CHRM3: variants seen among roughly 807,000 people sequenced by gnomAD.
The protein encoded by CHRM3 is cholinergic receptor muscarinic 3.
Under a neutral mutation model 41.8 loss-of-function variants are expected in CHRM3, and 11 were observed. That is an observed-to-expected ratio of 0.26 (90% CI 0.17 to 0.44). CHRM3 has a LOEUF of 0.44. CHRM3 is among the 20% of genes least tolerant of loss of function. The pLI, the probability that CHRM3 is intolerant of heterozygous loss-of-function variation, is 1.00. For synonymous variants in CHRM3, 297 were observed against 301.4 expected, an observed-to-expected ratio of 0.99 and a Z score of 0.15; for missense variants, 571 against 745.4, an observed-to-expected ratio of 0.77 and a Z score of 2.72.
chr1:239,488,033 A>G (rs1667298945), intron 1 of CHRM3, among the ~76,000 whole-genome samples: 1 of 152,206 alleles, frequency 6.6e-6, no homozygotes, highest in Non-Finnish European at 1.5e-5. Flanking sequence ...TTAAAATAAG[A>G]CACACTGATT....
At chr1:239,762,643 G>C (rs1165327062) in intron 5 of CHRM3, among the ~76,000 whole-genome samples, 4 of 152,026 alleles carry the variant, frequency 2.6e-5, no homozygotes, top group African/African-American at 9.7e-5. Flanking sequence ...CAAGAATGAG[G>C]AAATAATAAG....
rs1297774618 is a variant in CHRM3 at position 239,472,788 on chromosome 1, C to T, written c.-520-19921C>T. On this transcript the variant is annotated intron_variant, in intron 1 of 6. Coordinates refer to ENST00000676153, the MANE Select transcript of CHRM3 (RefSeq NM_001375978.1). The stretch of plus-strand genomic sequence containing the variant: ...AGCTAATGCATGCTGGACTTAGTAC[C>T]TAGGTGATGGGCTGATAGGTGCAGC... 2.0e-5 allele frequency among the ~76,000 whole-genome samples: 3 copies of T among 152,058 alleles called. No homozygotes were observed. The East Asian group carries it at 5.8e-4, about 29-fold the overall frequency.
At chr1:239,426,480 AAAAAAG>A (rs1396554162) in intron 1 of CHRM3, among the ~76,000 whole-genome samples, 12 of 149,908 alleles carry the variant, frequency 8.0e-5, no homozygotes, top group African/African-American at 1.5e-4. Flanking sequence ...AAAAAAAAAA[AAAAAAG>A]AAAGAAAAAA....
At chr1:239,828,200 A>C (rs1415860822) in intron 6 of CHRM3, among the ~76,000 whole-genome samples, 3 of 152,198 alleles carry the variant, frequency 2.0e-5, no homozygotes, top group South Asian at 4.1e-4. Flanking sequence ...TCACACATAG[A>C]TATAGACACA....
At chr1:239,610,409 T>C (rs888915226) in intron 3 of CHRM3, among the ~76,000 whole-genome samples, 1 of 152,148 alleles carries the variant, frequency 6.6e-6, no homozygotes, top group Non-Finnish European at 1.5e-5. Flanking sequence ...TGTCTCACAT[T>C]TGATTATAAT....
intron 3 of CHRM3, among the ~76,000 whole-genome samples, chr1:239,559,913 T>C (rs1380032342): frequency 1.3e-5 from 2 of 152,194 alleles, no homozygotes; most frequent in Non-Finnish European, 2.9e-5. Context: ...ATACATTGTA[T>C]GGCTATTGTC....
chr1:239,618,277 C>CTTTT (rs61094722), intron 3 of CHRM3, among the ~76,000 whole-genome samples: 7 of 120,656 alleles, frequency 5.8e-5, no homozygotes, highest in African/African-American at 1.2e-4. Context: ...TTTTTTCTTT[C>CTTTT]TTTTTTTTTT....
At chr1:239,677,615 A>G (rs1399574674) in intron 4 of CHRM3, among the ~76,000 whole-genome samples, 1 of 152,190 alleles carries the variant, frequency 6.6e-6, no homozygotes, top group Non-Finnish European at 1.5e-5. Flanking sequence ...AAAAGAGGAA[A>G]AGAGGGAGAA....
rs1003512289 is a variant in CHRM3 at position 239,913,659 on chromosome 1, T to C, written c.*4435T>C. 3.0e-5 allele frequency: 5 copies of C among 166,968 alleles called. No homozygotes were observed. In the Admixed American group the frequency reaches 3.3e-4, roughly 11 times the overall value. The allele number at this position is 166,968 out of a possible 1,614,324, so 10.3% of individuals were successfully genotyped here. A position where few individuals can be genotyped will look rare whatever the true frequency, so the allele number is the denominator to read the frequency against. On this transcript the variant is annotated 3_prime_UTR_variant, in exon 7 of 7. Transcript: ENST00000676153. ...TTCCATTTTCCTTTTCTGGCTTTAGTGTTAATGTCTGGGAAGGGAGGCTCA... is the reference window on the plus strand; with the variant it reads ...TTCCATTTTCCTTTTCTGGCTTTAGCGTTAATGTCTGGGAAGGGAGGCTCA...
chr1:239,662,893 C>CTCTTCTTCTTCTTCTTTT (rs1553356874), intron 4 of CHRM3, among the ~76,000 whole-genome samples: 18 of 46,400 alleles, frequency 3.9e-4, no homozygotes, highest in African/African-American at 1.4e-3. Context: ...CTTCCTCCTC[C>CTCTTCTTCTTCTTCTTTT]TCTTCTTCTT....
chr1:239,818,165 C>T lies in CHRM3; in HGVS notation c.-146-9087C>T, dbSNP rs542643562. ...GCTCTCTTCCTGGATTGTAGATGGCCGCCTTATCACTGGGTCTTCACATGA... is the reference window on the plus strand; with the variant it reads ...GCTCTCTTCCTGGATTGTAGATGGCTGCCTTATCACTGGGTCTTCACATGA... On this transcript the variant is annotated intron_variant, in intron 5 of 6. Coordinates refer to ENST00000676153, the MANE Select transcript of CHRM3 (RefSeq NM_001375978.1). Among the ~76,000 whole-genome samples, 13 of 152,226 alleles carry T rather than the reference C, an allele frequency of 8.5e-5. No individual in the cohort carries two copies. In the South Asian group the frequency reaches 2.5e-3, roughly 29 times the overall value.
intron 2 of CHRM3, among the ~76,000 whole-genome samples, chr1:239,510,811 C>T (rs1668870753): frequency 6.6e-6 from 1 of 152,092 alleles, no homozygotes; most frequent in African/African-American, 2.4e-5. Context: ...GCTGGGATTA[C>T]AGGCATCAAC....
chr1:239,535,445 A>T (rs925333584), intron 2 of CHRM3, among the ~76,000 whole-genome samples: 1 of 149,636 alleles, frequency 6.7e-6, no homozygotes, highest in African/African-American at 2.5e-5. Flanking sequence ...ACCAAGTCTT[A>T]CTTAAGATGC....
intron 5 of CHRM3, among the ~76,000 whole-genome samples, chr1:239,740,576 C>G (rs950752565): frequency 2.0e-4 from 30 of 151,956 alleles, no homozygotes; most frequent in African/African-American, 7.0e-4. Flanking sequence ...AGGTTTTAAG[C>G]CCTGCATGCA....
At chr1:239,856,691 G>T (rs1194722226) in intron 6 of CHRM3, among the ~76,000 whole-genome samples, 1 of 152,168 alleles carries the variant, frequency 6.6e-6, no homozygotes, top group East Asian at 1.9e-4. Context: ...TACAGACCAT[G>T]AAAGGGAGGG....
intron 2 of CHRM3, among the ~76,000 whole-genome samples, chr1:239,493,859 A>G (rs753810610): frequency 6.6e-6 from 1 of 152,186 alleles, no homozygotes; most frequent in Non-Finnish European, 1.5e-5. Flanking sequence ...GCAGGTCTCA[A>G]AATTGGGGCT....
chr1:239,807,820 A>G (rs58021604), intron 5 of CHRM3, among the ~76,000 whole-genome samples: 155 of 70,496 alleles, frequency 2.2e-3, no homozygotes, highest in African/African-American at 0.011. Context: ...TGCTTTGCGC[A>G]CACACACACA....
At chr1:239,747,102 T>A (rs1665435671) in intron 5 of CHRM3, among the ~76,000 whole-genome samples, 1 of 152,136 alleles carries the variant, frequency 6.6e-6, no homozygotes, top group Admixed American at 6.6e-5. Context: ...CGAAGTTTGA[T>A]GAATAATTAA....
chr1:239,590,979 G>A (rs967804236), intron 3 of CHRM3, among the ~76,000 whole-genome samples: 1 of 152,128 alleles, frequency 6.6e-6, no homozygotes, highest in African/African-American at 2.4e-5. Context: ...ATCTCAGTTG[G>A]CATTCATGGA....
Sources: gnomAD v4.1 joint callset for allele counts (sites outside exome capture counted in the v4.1 genomes callset) on GRCh38, gnomAD v4.1.1 for gene constraint, MANE v1.5 for transcripts, NCBI Gene and HGNC (gene_info 2026-07-23, HGNC 2026-07-21) for gene names.